TTC27: variants seen among roughly 807,000 people sequenced by gnomAD.
TTC27 encodes tetratricopeptide repeat domain 27.
A neutral mutation model predicts 115.9 loss-of-function variants in TTC27; 79 were observed. That is an observed-to-expected ratio of 0.68 (90% CI 0.57 to 0.82). TTC27 has a LOEUF of 0.82. Among genes scored for constraint, TTC27 ranks in the 40% least tolerant of loss-of-function variants. The pLI, the probability that TTC27 is intolerant of heterozygous loss-of-function variation, is 0.00. For missense variants in TTC27, 1,054 were observed against 993.1 expected (o/e 1.06, Z -0.82); for synonymous variants, 401 against 356.0 (o/e 1.13, Z -1.42).
chr2:32,810,935 C>A, intron 16 of TTC27, 89 bp from the exon 17 acceptor site: 1 of 1,405,810 alleles, frequency 7.1e-7, no homozygotes, highest in African/African-American at 1.4e-5. Flanking sequence ...TTTTCATTGT[C>A]ATTGTCTTTG....
intron 15 of TTC27, among the ~76,000 whole-genome samples, chr2:32,783,958 T>A (rs1279619198): frequency 1.3e-5 from 2 of 152,242 alleles, no homozygotes; most frequent in Admixed American, 6.5e-5. Context: ...GTAGAGATCA[T>A]GAAATGCTGC....
chr2:32,647,052 C>T (rs1396364278), intron 4 of TTC27, among the ~76,000 whole-genome samples: 1 of 150,700 alleles, frequency 6.6e-6, no homozygotes, highest in Admixed American at 6.7e-5. Flanking sequence ...TCACAGCTGA[C>T]TATAACCTTA....
chr2:32,718,804 A>G (rs1233335973), intron 10 of TTC27, among the ~76,000 whole-genome samples: 1 of 152,144 alleles, frequency 6.6e-6, no homozygotes, highest in Non-Finnish European at 1.5e-5. Flanking sequence ...TTCCCTCTAA[A>G]TCTTCCCCTA....
chr2:32,680,060 T>C (rs184389967), intron 9 of TTC27, among the ~76,000 whole-genome samples: 421 of 152,326 alleles, frequency 2.8e-3, no homozygotes, highest in African/African-American at 8.5e-3. Flanking sequence ...TTTTTCACGT[T>C]ACTATTTCCT....
chr2:32,732,420 G>A (rs1356457978), intron 10 of TTC27, among the ~76,000 whole-genome samples: 2 of 152,170 alleles, frequency 1.3e-5, no homozygotes, highest in Non-Finnish European at 2.9e-5. Context: ...CATACCACAA[G>A]ATATTCTTAG....
intron 13 of TTC27, among the ~76,000 whole-genome samples, chr2:32,769,332 G>C (rs1278093924): frequency 6.6e-6 from 1 of 152,200 alleles, no homozygotes; most frequent in African/African-American, 2.4e-5. Context: ...GGGCTATGAA[G>C]AGGTCATTGG....
chr2:32,663,333 A>G (rs944955079), intron 5 of TTC27, among the ~76,000 whole-genome samples: 6 of 151,886 alleles, frequency 4.0e-5, no homozygotes, highest in African/African-American at 1.4e-4. Context: ...CCTGGCCTGC[A>G]GGTTGAGAAG....
chr2:32,745,442 A>G (rs978078300), intron 12 of TTC27, among the ~76,000 whole-genome samples: 4 of 152,178 alleles, frequency 2.6e-5, no homozygotes, highest in Non-Finnish European at 5.9e-5. Context: ...GCCTTCTGCC[A>G]TCTCATCTGA....
intron 13 of TTC27, among the ~76,000 whole-genome samples, chr2:32,761,082 G>A (rs1238009352): frequency 6.6e-6 from 1 of 152,038 alleles, no homozygotes; most frequent in East Asian, 1.9e-4. Flanking sequence ...AACTGCTTAC[G>A]CGATCTCCCC....
At chr2:32,697,757 AT>A (rs11296293) in intron 9 of TTC27, among the ~76,000 whole-genome samples, 8,767 of 146,282 alleles carry the variant, frequency 0.06, 451 homozygotes, top group African/African-American at 0.15. Context: ...GAAAGAAAGA[AT>A]TTTTTTTTTT....
At chr2:32,815,560 G>A (rs923212346) in intron 18 of TTC27, among the ~76,000 whole-genome samples, 1 of 152,074 alleles carries the variant, frequency 6.6e-6, no homozygotes, top group Non-Finnish European at 1.5e-5. Flanking sequence ...CTAGCTGTCT[G>A]TCTCTATCTC....
intron 9 of TTC27, among the ~76,000 whole-genome samples, chr2:32,681,949 A>G (rs1301078711): frequency 6.7e-6 from 1 of 148,368 alleles, no homozygotes; most frequent in African/African-American, 2.5e-5. Flanking sequence ...ATTTTGGCTT[A>G]TATTATAATT....
intron 7 of TTC27, among the ~76,000 whole-genome samples, chr2:32,668,237 G>C (rs1196395934): frequency 6.6e-6 from 1 of 151,796 alleles, no homozygotes; most frequent in Non-Finnish European, 1.5e-5. Flanking sequence ...AGTTGTGGTG[G>C]TGTGTGCCTG....
At chr2:32,687,776 G>T (rs184692063) in intron 9 of TTC27, among the ~76,000 whole-genome samples, 1 of 152,148 alleles carries the variant, frequency 6.6e-6, no homozygotes, top group East Asian at 1.9e-4. Flanking sequence ...AAATGTGTAT[G>T]TATCTAATAA....
At chr2:32,767,462 T>TTG (rs1553317334) in intron 13 of TTC27, among the ~76,000 whole-genome samples, 2 of 142,816 alleles carry the variant, frequency 1.4e-5, no homozygotes, top group Non-Finnish European at 3.1e-5. Flanking sequence ...TGTTTTTTTT[T>TTG]TTTTTTTTGA....
At chr2:32,761,242 C>A (rs1214912239) in intron 13 of TTC27, among the ~76,000 whole-genome samples, 1 of 152,128 alleles carries the variant, frequency 6.6e-6, no homozygotes, top group Admixed American at 6.5e-5. Context: ...TACCCGTATA[C>A]CCCACATCTA....
intron 9 of TTC27, among the ~76,000 whole-genome samples, chr2:32,702,172 A>G (rs1361386271): frequency 6.6e-6 from 1 of 152,014 alleles, no homozygotes; most frequent in African/African-American, 2.4e-5. Flanking sequence ...ATGTTTTCCA[A>G]ACCTGACTTT....
intron 5 of TTC27, among the ~76,000 whole-genome samples, chr2:32,650,547 G>A (rs1665077749): frequency 6.6e-6 from 1 of 151,404 alleles, no homozygotes; most frequent in Non-Finnish European, 1.5e-5. Flanking sequence ...TATTTTCTCT[G>A]TTCTTTAAGA....
intron 12 of TTC27, among the ~76,000 whole-genome samples, chr2:32,747,560 G>T (rs1260584431): frequency 1.3e-5 from 2 of 152,092 alleles, no homozygotes; most frequent in African/African-American, 4.8e-5. Context: ...TATTGCTATG[G>T]TACCATTGTA....
Sources: gnomAD v4.1 joint callset for allele counts (sites outside exome capture counted in the v4.1 genomes callset) on GRCh38, gnomAD v4.1.1 for gene constraint, MANE v1.5 for transcripts, NCBI Gene and HGNC (gene_info 2026-07-23, HGNC 2026-07-21) for gene names.